Variants in CLPTM1 observed in about 807,000 individuals in gnomAD.
CLPTM1 encodes the protein CLPTM1 regulator of GABA type A receptor forward trafficking.
In CLPTM1, 21 loss-of-function variants were observed where a neutral mutation model predicts 77.3. The observed-to-expected ratio is 0.27, with a 90% CI of 0.19 to 0.39. The LOEUF (loss-of-function observed/expected upper bound fraction) is 0.39, where lower values mean the gene tolerates loss of function less well. CLPTM1 is among the 10% of genes least tolerant of loss of function. The pLI is 1.00. For missense variants in CLPTM1, 642 were observed against 921.2 expected (o/e 0.70, Z 3.92); for synonymous variants, 373 against 381.0 (o/e 0.98, Z 0.24).
chr19:44,966,598 C>T (rs748979875), intron 2 of CLPTM1, among the ~76,000 whole-genome samples: 3 of 152,100 alleles, frequency 2.0e-5, no homozygotes, highest in Non-Finnish European at 2.9e-5. Context: ...CTCAGCCCTG[C>T]CACCTCTGAG....
At chr19:44,967,116 C>A (rs1375103853) in intron 2 of CLPTM1, among the ~76,000 whole-genome samples, 1 of 151,084 alleles carries the variant, frequency 6.6e-6, no homozygotes, top group East Asian at 2.0e-4. Flanking sequence ...GCTGGGATTA[C>A]AGGCGTGAGC....
chr19:44,965,963 G>A (rs762939216), intron 2 of CLPTM1, among the ~76,000 whole-genome samples: 9 of 152,252 alleles, frequency 5.9e-5, no homozygotes, highest in Non-Finnish European at 1.2e-4. Flanking sequence ...TCCTATTACT[G>A]AGGAAGAAGA....
chr19:44,989,289 C>T (rs1443149983), intron 9 of CLPTM1, among the ~76,000 whole-genome samples: 1 of 152,212 alleles, frequency 6.6e-6, no homozygotes, highest in East Asian at 1.9e-4. Context: ...GAGACGGGAC[C>T]CTTCTGCCTA....
intron 2 of CLPTM1, among the ~76,000 whole-genome samples, chr19:44,962,831 C>T (rs897094868): frequency 6.6e-6 from 1 of 151,616 alleles, no homozygotes; most frequent in African/African-American, 2.4e-5. Flanking sequence ...TTTGGGAGGC[C>T]GAGGCGGGTG....
Position 44,992,121 on chromosome 19 carries a change from T to A in CLPTM1, c.1556-112T>A. 9.0e-7 allele frequency: 1 copy of A among 1,114,322 alleles called. No homozygotes were observed. Among genetic ancestry groups the A allele is most frequent in the Non-Finnish European group, 1.3e-6 (1 of 765,138 alleles). The allele number at this position is 1,114,322 out of a possible 1,614,324, so 69.0% of individuals were successfully genotyped here. A position where few individuals can be genotyped will look rare whatever the true frequency, so the allele number is the denominator to read the frequency against. ...GAGTGTGCCCAGGTATAGGAAGTGGTAGAGTGTGCCCAGGTGTAGGAAGTG... is the reference window on the plus strand; with the variant it reads ...GAGTGTGCCCAGGTATAGGAAGTGGAAGAGTGTGCCCAGGTGTAGGAAGTG... On this transcript the variant is annotated intron_variant, in intron 12 of 13. Transcript: ENST00000337392. The surrounding 1 kb of genome is among the most constrained non-coding windows in gnomAD (Gnocchi z 7.7).
chr19:44,986,685 C>T (rs1970983307), intron 7 of CLPTM1, 110 bp downstream of exon 7: 3 of 1,385,330 alleles, frequency 2.2e-6, no homozygotes, highest in East Asian at 2.5e-5. Flanking sequence ...TTCCAGGGCT[C>T]CACCCTCCCA....
intron 2 of CLPTM1, among the ~76,000 whole-genome samples, chr19:44,968,875 G>A (rs996228048): frequency 1.3e-5 from 2 of 152,162 alleles, no homozygotes; most frequent in African/African-American, 4.8e-5. Context: ...TTCCCCAGAC[G>A]TGCATATCAG....
At chr19:44,980,846 A>T (rs530030263) in intron 5 of CLPTM1, among the ~76,000 whole-genome samples, 75 of 150,030 alleles carry the variant, frequency 5.0e-4, no homozygotes, top group Middle Eastern at 3.4e-3. Context: ...ATTTATTATT[A>T]TTTTTTTTTG....
chr19:44,981,832 G>C (rs1970902006), intron 5 of CLPTM1, among the ~76,000 whole-genome samples: 1 of 151,578 alleles, frequency 6.6e-6, no homozygotes, highest in African/African-American at 2.4e-5. Context: ...GATCACCCAA[G>C]CCCAGGAGGT....
In CLPTM1 at chr19:44,985,947, G is replaced by A. The variant is rs191084489; in HGVS notation, c.673-508G>A. Among the ~76,000 whole-genome samples, 179 of 152,292 alleles carry A rather than the reference G, an allele frequency of 1.2e-3. 1 individual carries two copies. Among genetic ancestry groups the A allele is most frequent in the African/African-American group, 4.1e-3 (171 of 41,558 alleles). Reference sequence around the variant, plus strand: ...CTACCTCTACCTCGGTTTTCTACATGTGGGGTGGGAGGATCCTGTCGGTGG... The same window carrying A: ...CTACCTCTACCTCGGTTTTCTACATATGGGGTGGGAGGATCCTGTCGGTGG... On this transcript the variant is annotated intron_variant, in intron 6 of 13. Transcript: ENST00000337392.
chr19:44,974,933 A>G (rs901072517), intron 4 of CLPTM1, among the ~76,000 whole-genome samples: 1 of 152,230 alleles, frequency 6.6e-6, no homozygotes, highest in East Asian at 1.9e-4. Flanking sequence ...CCGTTTCAAA[A>G]TAATATTAGT....
chr19:44,963,806 T>C (rs1970583885), intron 2 of CLPTM1, among the ~76,000 whole-genome samples: 1 of 151,740 alleles, frequency 6.6e-6, no homozygotes, highest in Non-Finnish European at 1.5e-5. Flanking sequence ...TTAGTAGAGA[T>C]GGGGTTTCTC....
chr19:44,980,269 G>A (rs556252865), intron 5 of CLPTM1, among the ~76,000 whole-genome samples: 79 of 152,128 alleles, frequency 5.2e-4, no homozygotes, highest in Non-Finnish European at 9.8e-4. Flanking sequence ...AGCACTTTGG[G>A]AAGCCAAGGC....
Position 44,992,395 on chromosome 19 carries a change from G to A in CLPTM1, c.1718G>A (p.Arg573Gln), listed in dbSNP as rs1184109455. ...MPVMYRIGCL[R>Q]DDVVFFIYLY... is the part of the protein sequence containing the mutation. ...GTTATGTACCGGATCGGCTGCCTGC[G>A]GGACGGTGAGGCCCGGTGGGCAGGT... The change falls in exon 13 of 14, where the codon CGG becomes CAG. Residue 573 changes from arginine to glutamine, a missense_variant. This residue lies in a region of CLPTM1 where 521 missense variants were observed against 800.4 expected (regional missense o/e 0.65). Coordinates refer to ENST00000337392, the MANE Select transcript of CLPTM1 (RefSeq NM_001294.4). The surrounding 1 kb of genome is among the most constrained non-coding windows in gnomAD (Gnocchi z 7.7). 10 of 1,614,080 alleles carry A rather than the reference G, an allele frequency of 6.2e-6. No individual in the cohort carries two copies. The highest frequency in any genetic ancestry group is 4.2e-6 in the Non-Finnish European group (5 of 1,179,990).
chr19:44,986,760 A>T, intron 7 of CLPTM1, 185 bp downstream of exon 7: 1 of 702,386 alleles, frequency 1.4e-6, no homozygotes, highest in Non-Finnish European at 2.3e-6. Context: ...ACCCCTGGGG[A>T]CCCCAGGACT....
intron 2 of CLPTM1, among the ~76,000 whole-genome samples, chr19:44,964,085 C>T (rs1381634339): frequency 6.6e-6 from 1 of 151,576 alleles, no homozygotes; most frequent in Non-Finnish European, 1.5e-5. Context: ...GAAGTTGAAG[C>T]TGCAGTGAGC....
chr19:44,979,735 C>T (rs1159117936), intron 5 of CLPTM1, among the ~76,000 whole-genome samples: 2 of 152,080 alleles, frequency 1.3e-5, no homozygotes, highest in African/African-American at 4.8e-5. Context: ...GTATGTCCCA[C>T]CCGGCTGACG....
chr19:44,973,213 A>T lies in CLPTM1; in HGVS notation c.309+3A>T. On this transcript the variant is annotated splice_donor_region_variant and intron_variant, in intron 3 of 13. Transcript: ENST00000337392. The stretch of plus-strand genomic sequence containing the variant: ...TGTTCCCCAAAGACACTTTAATGGT[A>T]ACTGCCGGGTGGTAGGGCAGACTTG... 2 of 1,613,924 alleles carry T rather than the reference A, an allele frequency of 1.2e-6. No individual in the cohort carries two copies.
rs573222202 is a variant in CLPTM1, at chr19:44,958,479, C to T, written c.72+3012C>T. 4.0e-4 allele frequency among the ~76,000 whole-genome samples: 61 copies of T among 151,884 alleles called. 1 individual carries two copies. Among genetic ancestry groups the T allele is most frequent in the African/African-American group, 1.4e-3 (59 of 41,420 alleles). On this transcript the variant is annotated intron_variant, in intron 1 of 13. Transcript: ENST00000337392. ...CTCCGTCTCCTGGGTTCAGGCAATT[C>T]TTCTACCTCAGCCTCTCAAGTAGCT...
Sources: allele counts gnomAD v4.1 joint callset (sites outside exome capture counted in the v4.1 genomes callset), GRCh38; gene constraint gnomAD v4.1.1; regional missense constraint gnomAD v4.1.1; non-coding constraint Gnocchi (gnomAD v3.1); transcripts MANE v1.5; gene names NCBI Gene and HGNC (gene_info 2026-07-23, HGNC 2026-07-21).